The following CUL3 variants were observed in gnomAD, a reference collection of about 807,000 sequenced individuals.
CUL3 encodes cullin-3.
A neutral mutation model predicts 89.1 loss-of-function variants in CUL3; 19 were observed. That is an observed-to-expected ratio of 0.21 (90% CI 0.15 to 0.31). The LOEUF is 0.31. Among genes scored for constraint, CUL3 ranks in the 10% least tolerant of loss-of-function variants. The pLI, the probability that CUL3 is intolerant of heterozygous loss-of-function variation, is 1.00. For synonymous variants in CUL3, 351 were observed against 308.4 expected (o/e 1.14, Z -1.45); for missense variants, 469 against 942.3 (o/e 0.50, Z 6.58).
intron 1 of CUL3, among the ~76,000 whole-genome samples, chr2:224,572,497 A>C (rs1353969026): frequency 1.3e-5 from 2 of 151,426 alleles, no homozygotes; most frequent in Non-Finnish European, 2.9e-5. Context: ...AAAAAAAAAA[A>C]ATTGCTGCTG....
intron 3 of CUL3, among the ~76,000 whole-genome samples, chr2:224,533,977 C>T (rs1237629280): frequency 6.6e-6 from 1 of 152,048 alleles, no homozygotes. Context: ...TTGCTTTATT[C>T]TACCAAGTAA....
chr2:224,501,027 T>A (rs1471713809), intron 10 of CUL3, among the ~76,000 whole-genome samples: 2 of 152,208 alleles, frequency 1.3e-5, no homozygotes, highest in African/African-American at 4.8e-5. Flanking sequence ...TTAAAAACAC[T>A]GACCAAAGAA....
At chr2:224,529,956 T>C (rs550128901) in intron 3 of CUL3, among the ~76,000 whole-genome samples, 1 of 152,206 alleles carries the variant, frequency 6.6e-6, no homozygotes, top group South Asian at 2.1e-4. Flanking sequence ...AAAAGTCAGC[T>C]AGGCCGGGCC....
At chr2:224,582,979 A>T (rs1695476657) in intron 1 of CUL3, among the ~76,000 whole-genome samples, 1 of 152,216 alleles carries the variant, frequency 6.6e-6, no homozygotes. Context: ...AACTTGAGTG[A>T]GTTGATGTCA....
chr2:224,483,091 T>C (rs1691590071), intron 13 of CUL3, among the ~76,000 whole-genome samples: 1 of 152,224 alleles, frequency 6.6e-6, no homozygotes, highest in South Asian at 2.1e-4. Flanking sequence ...CATATTCATT[T>C]TCTTCAAATA....
chr2:224,475,645 C>T (rs186767127), intron 15 of CUL3, among the ~76,000 whole-genome samples: 16 of 152,272 alleles, frequency 1.1e-4, no homozygotes, highest in Admixed American at 1.0e-3. Flanking sequence ...GCTCTCAACC[C>T]ATCACCTGAG....
chr2:224,530,423 G>T (rs1256140926), intron 3 of CUL3, among the ~76,000 whole-genome samples: 1 of 151,832 alleles, frequency 6.6e-6, no homozygotes, highest in Non-Finnish European at 1.5e-5. Flanking sequence ...AAGAGTCTAG[G>T]TTGAGGGTAA....
chr2:224,514,788 T>C lies in CUL3; in HGVS notation c.379-16A>G, dbSNP rs773210861. 2.9e-5 allele frequency: 45 copies of C among 1,571,904 alleles called. No individual in the cohort carries two copies. In the East Asian group the frequency reaches 9.9e-4, roughly 34 times the overall value. ...ACACACGGTCCTACAGTTAAAGTCA[T>C]ATAAATATGAGTACAGTTCTTGTGA... is the stretch of plus-strand genomic sequence containing the variant. On this transcript the variant is annotated splice_polypyrimidine_tract_variant and intron_variant, in intron 3 of 15. Coordinates refer to ENST00000264414, the MANE Select transcript of CUL3 (RefSeq NM_003590.5).
At chr2:224,506,187 T>A (rs898596584) in intron 7 of CUL3, 55 bp from the exon 8 acceptor site, 2 of 1,188,804 alleles carry the variant, frequency 1.7e-6, no homozygotes, top group African/African-American at 3.1e-5. Context: ...CCATAAATAA[T>A]ACACTTATGA....
intron 1 of CUL3, among the ~76,000 whole-genome samples, chr2:224,584,381 C>G (rs1475795909): frequency 6.6e-6 from 1 of 152,122 alleles, no homozygotes; most frequent in Non-Finnish European, 1.5e-5. Flanking sequence ...TAAATACACC[C>G]AATGTTACTA....
intron 1 of CUL3, among the ~76,000 whole-genome samples, chr2:224,578,266 T>C (rs1227355125): frequency 6.6e-6 from 1 of 152,094 alleles, no homozygotes; most frequent in Non-Finnish European, 1.5e-5. Flanking sequence ...AATAGGGAAA[T>C]GGTTAAGCAA....
At chr2:224,492,529 T>A (rs1692025989) in intron 13 of CUL3, among the ~76,000 whole-genome samples, 1 of 152,154 alleles carries the variant, frequency 6.6e-6, no homozygotes, top group Admixed American at 6.5e-5. Context: ...TATCCATACC[T>A]CTTTCAAAAA....
chr2:224,528,211 G>A (rs1221461882), intron 3 of CUL3, among the ~76,000 whole-genome samples: 2 of 152,148 alleles, frequency 1.3e-5, no homozygotes, highest in African/African-American at 2.4e-5. Context: ...GATGTTGGCA[G>A]GGCTGGCTCC....
intron 6 of CUL3, among the ~76,000 whole-genome samples, chr2:224,511,017 T>G (rs1692804291): frequency 1.3e-5 from 2 of 152,182 alleles, no homozygotes; most frequent in Non-Finnish European, 2.9e-5. Context: ...TATGTAGGAC[T>G]AAAGAGAGCC....
intron 3 of CUL3, among the ~76,000 whole-genome samples, chr2:224,521,591 C>A (rs868681509): frequency 6.6e-6 from 1 of 152,014 alleles, no homozygotes; most frequent in South Asian, 2.1e-4. Flanking sequence ...CCACCATGCC[C>A]GGCTAATTTT....
At chr2:224,547,483 G>T (rs148744252) in intron 2 of CUL3, among the ~76,000 whole-genome samples, 14 of 152,134 alleles carry the variant, frequency 9.2e-5, no homozygotes, top group Non-Finnish European at 1.8e-4. Context: ...AATCAAAAGT[G>T]ACCTCCTCTT....
At chr2:224,583,729 G>T (rs1388770069) in intron 1 of CUL3, among the ~76,000 whole-genome samples, 1 of 152,120 alleles carries the variant, frequency 6.6e-6, no homozygotes, top group East Asian at 1.9e-4. Flanking sequence ...TTAAATTTTA[G>T]GAATTCAGAG....
At chr2:224,569,936 T>A (rs1695144615) in intron 1 of CUL3, 1 of 236,774 alleles carries the variant, frequency 4.2e-6, no homozygotes, top group Admixed American at 7.1e-5. Context: ...ATACTTGATC[T>A]TAATTTCAAG....
chr2:224,533,572 A>G (rs1693773181), intron 3 of CUL3, among the ~76,000 whole-genome samples: 1 of 152,248 alleles, frequency 6.6e-6, no homozygotes, highest in African/African-American at 2.4e-5. Flanking sequence ...TCTTTTGTCA[A>G]AAGAATAAAC....
Sources: allele counts gnomAD v4.1 joint callset (sites outside exome capture counted in the v4.1 genomes callset), GRCh38; gene constraint gnomAD v4.1.1; transcripts MANE v1.5; gene names NCBI Gene and HGNC (gene_info 2026-07-23, HGNC 2026-07-21).